ZNF850: variants seen among roughly 807,000 people sequenced by gnomAD.
ZNF850 encodes the protein putative zinc finger protein ENSP00000330994.
A neutral mutation model predicts 11.9 loss-of-function variants in ZNF850; 2 were observed. The ratio of observed to expected loss-of-function variants is 0.17; its 90% CI spans 0.07 to 0.53. The LOEUF (loss-of-function observed/expected upper bound fraction) is 0.53, where lower values mean the gene tolerates loss of function less well. Among genes scored for constraint, ZNF850 ranks in the 20% least tolerant of loss-of-function variants. ZNF850 has a pLI of 0.94. For synonymous variants in ZNF850, 381 were observed against 443.0 expected (o/e 0.86, Z 1.76); for missense variants, 1,014 against 1,316.4 (o/e 0.77, Z 3.55).
chr19:36,764,857 T>C (rs955882037), intron 1 of ZNF850, among the ~76,000 whole-genome samples: 1 of 151,940 alleles, frequency 6.6e-6, no homozygotes, highest in African/African-American at 2.4e-5. Flanking sequence ...GAACTAATTT[T>C]TGTATTTTTA....
intron 4 of ZNF850, among the ~76,000 whole-genome samples, chr19:36,754,148 A>C (rs2145959328): frequency 7.4e-6 from 1 of 134,792 alleles, no homozygotes; most frequent in Admixed American, 7.6e-5. Flanking sequence ...AGCCCGGGCA[A>C]CAGAGAGAGA....
intron 4 of ZNF850, 87 bp from the exon 5 acceptor site, chr19:36,750,891 A>T: frequency 1.5e-6 from 2 of 1,312,588 alleles, no homozygotes; most frequent in Non-Finnish European, 2.0e-6. Flanking sequence ...AGACAAACTG[A>T]AAATAATGTC....
In ZNF850 at chr19:36,762,475, G is replaced by C. The variant is rs1165855578; in HGVS notation, c.13-44C>G. ...GCAGCGCTGTTGAAATTAAAGGAAA[G>C]GTTTTTAAGATGAAGGAAGAGATGG... On this transcript the variant is annotated intron_variant, in intron 2 of 4. Coordinates refer to ENST00000591344, the MANE Select transcript of ZNF850 (RefSeq NM_001193552.2). The C allele has an allele frequency of 9.8e-6, 15 of 1,530,096 alleles. No homozygotes were observed. In the Admixed American group the frequency reaches 1.4e-4, roughly 14 times the overall value. 94.8% of individuals were successfully genotyped at this position (1,530,096 alleles called of 1,614,324 possible). A position where few individuals can be genotyped will look rare whatever the true frequency, so the allele number is the denominator to read the frequency against.
At chr19:36,764,902 G>A (rs796363471) in intron 1 of ZNF850, among the ~76,000 whole-genome samples, 1 of 151,808 alleles carries the variant, frequency 6.6e-6, no homozygotes, top group African/African-American at 2.4e-5. Context: ...GCTGAGGCTG[G>A]TCTCGAACTC....
rs192497150 is a variant in ZNF850 at position 36,752,654 on chromosome 19, T to A, written c.236-1850A>T. Among the ~76,000 whole-genome samples the A allele has an allele frequency of 8.1e-4, 123 of 152,188 alleles. 1 individual carries two copies. The East Asian group carries it at 0.017, about 21-fold the overall frequency. ...ATACTAATATCACATAGTCTGTTTATAGGAAAGAAAGGAGTAAAGGGAGGA... is the reference window on the plus strand; with the variant it reads ...ATACTAATATCACATAGTCTGTTTAAAGGAAAGAAAGGAGTAAAGGGAGGA... On this transcript the variant is annotated intron_variant, in intron 4 of 4. Coordinates refer to ENST00000591344, the MANE Select transcript of ZNF850 (RefSeq NM_001193552.2).
intron 4 of ZNF850, among the ~76,000 whole-genome samples, chr19:36,751,793 A>AAAT (rs1225942056): frequency 6.6e-6 from 1 of 151,518 alleles, no homozygotes; most frequent in Non-Finnish European, 1.5e-5. Flanking sequence ...TAGGAAAGGT[A>AAAT]AATAATAATA....
rs58851544 is a variant in ZNF850 at position 36,753,422 on chromosome 19, C to CAAAAAAAAAAAAAAAAAAAAAAAAAAA, written c.236-2619_236-2618insTTTTTTTTTTTTTTTTTTTTTTTTTTT. Among the ~76,000 whole-genome samples the CAAAAAAAAAAAAAAAAAAAAAAAAAAA allele has an allele frequency of 1.3e-4, 6 of 46,650 alleles. 1 individual carries two copies. Among genetic ancestry groups the CAAAAAAAAAAAAAAAAAAAAAAAAAAA allele is most frequent in the Admixed American group, 3.8e-4 (1 of 2,644 alleles). The allele number at this position is 46,650 out of a possible 152,430, so 30.6% of individuals were successfully genotyped here. ...TGGGCAACAGCCTGGGACACTGTCT[C>CAAAAAAAAAAAAAAAAAAAAAAAAAAA]AAAAAAAAAAAAAAAAAAAAAAAAG... On this transcript the variant is annotated intron_variant, in intron 4 of 4. Transcript: ENST00000591344.
rs561827152 is a variant in ZNF850, at chr19:36,772,789, G to A, written c.-134C>T. 2.0e-5 allele frequency: 3 copies of A among 152,460 alleles called. No individual in the cohort carries two copies. The East Asian group carries it at 5.8e-4, about 29-fold the overall frequency. The allele number at this position is 152,460 out of a possible 1,614,324, so 9.4% of individuals were successfully genotyped here. ...AAGTTCCTCAGGACTCCAAGGCGCG[G>A]CGGCAGCTAAATCGGCACAGCAAAC... is the stretch of plus-strand genomic sequence containing the variant. On this transcript the variant is annotated 5_prime_UTR_variant, in exon 1 of 5. Coordinates refer to ENST00000591344, the MANE Select transcript of ZNF850 (RefSeq NM_001193552.2).
rs1255597490 is a variant in ZNF850 at position 36,744,469 on chromosome 19, A to T, written c.*3298T>A. 2.0e-5 allele frequency: 3 copies of T among 152,150 alleles called. No individual in the cohort carries two copies. The highest frequency in any genetic ancestry group is 7.2e-5 in the African/African-American group (3 of 41,490). The allele number at this position is 152,150 out of a possible 1,614,324, so 9.4% of individuals were successfully genotyped here. On this transcript the variant is annotated 3_prime_UTR_variant, in exon 5 of 5. Coordinates refer to ENST00000591344, the MANE Select transcript of ZNF850 (RefSeq NM_001193552.2). ...TGGTGAAACCCTGTCTCTACAAAAG[A>T]TACAAAAATTAGCTAGGTGTGGTGG...
At position 36,750,702 on chromosome 19, in the gene ZNF850, A is replaced by C. The variant is rs1340871361; in HGVS notation, c.338T>G (p.Val113Gly). 6.5e-7 allele frequency: 1 copy of C among 1,536,116 alleles called. No homozygotes were observed. The highest frequency in any genetic ancestry group is 8.7e-7 in the Non-Finnish European group (1 of 1,146,936). The change falls in exon 5 of 5, where the codon GTG becomes GGG. Residue 113 changes from valine to glycine, a missense_variant. Around this residue, in one of 2 missense-constraint regions of ZNF850, gnomAD observed 835 missense variants for 1,022.0 expected, o/e 0.82. Transcript: ENST00000591344. ...CCAGTCATCTCTGACACTGGAGCCC[A>C]CAAGGCTATGACATTTTTCCATTCT... Reference protein sequence around the residue: ...WVRMEKCHSLVGSSVRDDWEC... With the variant: ...WVRMEKCHSLGGSSVRDDWEC...
chr19:36,749,639 A>G lies in ZNF850; in HGVS notation c.1401T>C (p.His467=). ...GTTTCTCACCAGTGTGAATCCGCTGATGTTGAAGTAGTGCTGAGCCCGAAG... is the reference window on the plus strand; with the variant it reads ...GTTTCTCACCAGTGTGAATCCGCTGGTGTTGAAGTAGTGCTGAGCCCGAAG... ...SFASGSALLQ[H]QRIHTGEKPY... is the part of the protein sequence containing the mutation. The change falls in exon 5 of 5, where the codon CAT becomes CAC. Residue 467 remains histidine (H), a synonymous_variant. Coordinates refer to ENST00000591344, the MANE Select transcript of ZNF850 (RefSeq NM_001193552.2). 7 of 1,553,562 alleles carry G rather than the reference A, an allele frequency of 4.5e-6. No homozygotes were observed. Among genetic ancestry groups the G allele is most frequent in the Non-Finnish European group, 6.1e-6 (7 of 1,152,934 alleles).
chr19:36,766,160 G>A (rs1025737911), intron 1 of ZNF850, among the ~76,000 whole-genome samples: 4 of 152,176 alleles, frequency 2.6e-5, no homozygotes, highest in Non-Finnish European at 5.9e-5. Flanking sequence ...CCAAAGTGCT[G>A]GGATTACAGG....
At chr19:36,767,191 C>G (rs368047592) in intron 1 of ZNF850, among the ~76,000 whole-genome samples, 5 of 149,906 alleles carry the variant, frequency 3.3e-5, no homozygotes, top group African/African-American at 7.4e-5. Context: ...GAGCCAAGAC[C>G]GTGGCACTGC....
chr19:36,748,628 C>T lies in ZNF850; in HGVS notation c.2412G>A (p.Gln804=). Residue 804 remains glutamine (Q), a synonymous_variant, in exon 5 of 5, where the codon CAG becomes CAA. Coordinates refer to ENST00000591344, the MANE Select transcript of ZNF850 (RefSeq NM_001193552.2). ...FTSHSTLIQH[Q]PLHTGEKPYH... ...AAGGTTTCTCACCAGTGTGAAGTGG[C>T]TGATGTTGAATTAGTGTTGAATGAG... 14 of 1,537,074 alleles carry T rather than the reference C, an allele frequency of 9.1e-6. No homozygotes were observed. Among genetic ancestry groups the T allele is most frequent in the Non-Finnish European group, 1.2e-5 (14 of 1,146,882 alleles).
intron 1 of ZNF850, among the ~76,000 whole-genome samples, chr19:36,772,367 C>A (rs1166954780): frequency 6.6e-6 from 1 of 152,144 alleles, no homozygotes; most frequent in Non-Finnish European, 1.5e-5. Flanking sequence ...GCCAATCACA[C>A]TCTCCTCTCT....
chr19:36,758,740 C>G (rs2040501356), intron 4 of ZNF850, among the ~76,000 whole-genome samples: 1 of 152,100 alleles, frequency 6.6e-6, no homozygotes, highest in South Asian at 2.1e-4. Context: ...TGAGGCAGCT[C>G]CAGTGGATCA....
intron 1 of ZNF850, among the ~76,000 whole-genome samples, chr19:36,762,967 T>C (rs1451619390): frequency 6.6e-6 from 1 of 152,042 alleles, no homozygotes; most frequent in Non-Finnish European, 1.5e-5. Context: ...CACAGCTCAC[T>C]GCAGCCTCAA....
rs538525210 is a variant in ZNF850, at chr19:36,743,519, A to C, written c.*4248T>G. 1 of 152,320 alleles carries C rather than the reference A, an allele frequency of 6.6e-6. No homozygotes were observed. Among genetic ancestry groups the C allele is most frequent in the South Asian group, 2.1e-4 (1 of 4,832 alleles). 9.4% of individuals were successfully genotyped at this position (152,320 alleles called of 1,614,324 possible). ...AATACTTTTATTTACAAATAATACCAACATCTCTTTAGACAATTCAATCTC... is the reference window on the plus strand; with the variant it reads ...AATACTTTTATTTACAAATAATACCCACATCTCTTTAGACAATTCAATCTC... On this transcript the variant is annotated 3_prime_UTR_variant, in exon 5 of 5. Transcript: ENST00000591344.
intron 1 of ZNF850, among the ~76,000 whole-genome samples, chr19:36,770,937 C>T (rs1270814884): frequency 2.0e-5 from 3 of 152,062 alleles, no homozygotes; most frequent in African/African-American, 7.2e-5. Flanking sequence ...GATCGAGCCC[C>T]CAATCTCATT....
Sources: allele counts gnomAD v4.1 joint callset (sites outside exome capture counted in the v4.1 genomes callset), GRCh38; gene constraint gnomAD v4.1.1; regional missense constraint gnomAD v4.1.1; transcripts MANE v1.5; gene names NCBI Gene and HGNC (gene_info 2026-07-23, HGNC 2026-07-21).